CTNNA3: variants seen among roughly 807,000 people sequenced by gnomAD.
The protein encoded by CTNNA3 is catenin alpha 3.
In CTNNA3, 76 loss-of-function variants were observed where a neutral mutation model predicts 95.7. The ratio of observed to expected loss-of-function variants is 0.79; its 90% CI spans 0.66 to 0.96. The LOEUF (loss-of-function observed/expected upper bound fraction) is 0.96. CTNNA3 is among the 40% of genes least tolerant of loss of function. The pLI, the probability that CTNNA3 is intolerant of heterozygous loss-of-function variation, is 0.00. For synonymous variants in CTNNA3, 431 were observed against 374.4 expected (o/e 1.15, Z -1.74); for missense variants, 1,191 against 1,089.8 (o/e 1.09, Z -1.31).
intron 10 of CTNNA3, among the ~76,000 whole-genome samples, chr10:66,584,342 C>G (rs1373477417): frequency 6.6e-6 from 1 of 151,748 alleles, no homozygotes; most frequent in Non-Finnish European, 1.5e-5. Context: ...TAGGAATTGC[C>G]TTATGAATCT....
chr10:66,651,467 C>A (rs2132414011), intron 9 of CTNNA3, among the ~76,000 whole-genome samples: 1 of 152,114 alleles, frequency 6.6e-6, no homozygotes, highest in South Asian at 2.1e-4. Context: ...GTGCCGCACT[C>A]CTCAGCCCTT....
At position 67,210,294 on chromosome 10, in the gene CTNNA3, G is replaced by A. The variant is rs965651007; in HGVS notation, c.843+9313C>T. 5.9e-5 allele frequency among the ~76,000 whole-genome samples: 9 copies of A among 152,214 alleles called. No homozygotes were observed. In the East Asian group the frequency reaches 1.4e-3, roughly 23 times the overall value. On this transcript the variant is annotated intron_variant, in intron 6 of 17. Coordinates refer to ENST00000433211, the MANE Select transcript of CTNNA3 (RefSeq NM_013266.4). ...TGCACTCCAGGCCAGGTGACAGACT[G>A]AGACTCCATCTCAAAATAAAAATAA...
In CTNNA3 at chr10:66,376,131, A is replaced by T. The variant is rs545020192; in HGVS notation, c.1732+3021T>A. On this transcript the variant is annotated intron_variant, in intron 12 of 17. Transcript: ENST00000433211. ...TATAGCGTTCATAAATCACACAAAA[A>T]TGTCTTATGTCCGTCCACTTCCAGT... Among the ~76,000 whole-genome samples the T allele has an allele frequency of 8.5e-5, 13 of 152,272 alleles. No homozygotes were observed. In the East Asian group the frequency reaches 2.5e-3, roughly 29 times the overall value.
chr10:67,508,140 A>G lies in CTNNA3; in HGVS notation c.579+13702T>C, dbSNP rs1839487551. Among the ~76,000 whole-genome samples, 5 of 152,096 alleles carry G rather than the reference A, an allele frequency of 3.3e-5. No individual in the cohort carries two copies. In the South Asian group the frequency reaches 1.0e-3, roughly 32 times the overall value. On this transcript the variant is annotated intron_variant, in intron 5 of 17. Coordinates refer to ENST00000433211, the MANE Select transcript of CTNNA3 (RefSeq NM_013266.4). ...GCAGTTCTCCTTCCTCATACTCCCG[A>G]ATAGCTGGGATTACAGGCCCACACC...
At chr10:67,252,348 C>T (rs775446297) in intron 5 of CTNNA3, among the ~76,000 whole-genome samples, 44 of 152,194 alleles carry the variant, frequency 2.9e-4, no homozygotes, top group Middle Eastern at 3.4e-3. Flanking sequence ...AAAAGATATG[C>T]TCCAAGACCC....
chr10:66,079,958 T>C (rs1208867898), intron 14 of CTNNA3, among the ~76,000 whole-genome samples: 1 of 152,138 alleles, frequency 6.6e-6, no homozygotes, highest in Non-Finnish European at 1.5e-5. Context: ...TAAAATAGTT[T>C]ATATCAATTT....
intron 13 of CTNNA3, among the ~76,000 whole-genome samples, chr10:66,270,673 G>A (rs2091260782): frequency 6.6e-6 from 1 of 152,186 alleles, no homozygotes; most frequent in Non-Finnish European, 1.5e-5. Context: ...TAGCTGCGGT[G>A]GGAGATGCTA....
intron 9 of CTNNA3, among the ~76,000 whole-genome samples, chr10:66,648,318 G>A (rs535756787): frequency 7.4e-4 from 113 of 152,194 alleles, no homozygotes; most frequent in African/African-American, 2.4e-3. Flanking sequence ...ATCACTCTGC[G>A]GGAAATCACT....
At chr10:67,666,703 C>A (rs937849115) in intron 1 of CTNNA3, among the ~76,000 whole-genome samples, 1 of 152,158 alleles carries the variant, frequency 6.6e-6, no homozygotes, top group African/African-American at 2.4e-5. Flanking sequence ...CAGCTAGGAA[C>A]TGGGACACAT....
intron 3 of CTNNA3, among the ~76,000 whole-genome samples, chr10:67,562,657 G>A (rs573951844): frequency 0.02 from 3,098 of 151,854 alleles, 137 homozygotes; most frequent in African/African-American, 0.071. Flanking sequence ...GGCAGGAGAA[G>A]TAAATAAAGG....
chr10:66,519,284 A>C (rs533493317), intron 11 of CTNNA3, among the ~76,000 whole-genome samples: 1 of 152,272 alleles, frequency 6.6e-6, no homozygotes, highest in African/African-American at 2.4e-5. Context: ...TATTATTCTA[A>C]TTTGTGATGA....
chr10:66,154,869 G>C (rs1461374392), intron 13 of CTNNA3, among the ~76,000 whole-genome samples: 1 of 150,960 alleles, frequency 6.6e-6, no homozygotes, highest in Non-Finnish European at 1.5e-5. Flanking sequence ...TAACCAAACA[G>C]TTCTTTTAGA....
At chr10:66,002,603 G>A (rs1253939773) in intron 15 of CTNNA3, among the ~76,000 whole-genome samples, 1 of 152,114 alleles carries the variant, frequency 6.6e-6, no homozygotes, top group Non-Finnish European at 1.5e-5. Context: ...ATTGTGGGTG[G>A]TGGGCTATGT....
chr10:66,010,530 C>G (rs202119578), intron 15 of CTNNA3, among the ~76,000 whole-genome samples: 1 of 152,038 alleles, frequency 6.6e-6, no homozygotes. Flanking sequence ...TCAAACATAG[C>G]TATTATTTTA....
At chr10:66,204,225 G>T (rs991452233) in intron 13 of CTNNA3, among the ~76,000 whole-genome samples, 3 of 152,130 alleles carry the variant, frequency 2.0e-5, no homozygotes, top group African/African-American at 7.2e-5. Context: ...CCACATAGCA[G>T]TGAAGTGTTC....
chr10:66,116,205 A>G (rs1448999108), intron 13 of CTNNA3, among the ~76,000 whole-genome samples: 1 of 152,238 alleles, frequency 6.6e-6, no homozygotes, highest in Non-Finnish European at 1.5e-5. Flanking sequence ...AAACTAGCTC[A>G]TGGCAAATGC....
At chr10:66,876,063 G>C (rs1301667569) in intron 7 of CTNNA3, among the ~76,000 whole-genome samples, 1 of 152,110 alleles carries the variant, frequency 6.6e-6, no homozygotes, top group Non-Finnish European at 1.5e-5. Flanking sequence ...ATATTACTAA[G>C]CAGAATACAT....
intron 5 of CTNNA3, among the ~76,000 whole-genome samples, chr10:67,449,486 C>T (rs1277341175): frequency 1.3e-5 from 2 of 150,058 alleles, no homozygotes; most frequent in Non-Finnish European, 3.0e-5. Context: ...AAAGAGGCAC[C>T]TAGCCCAGAA....
intron 5 of CTNNA3, among the ~76,000 whole-genome samples, chr10:67,288,667 TCCAAG>T (rs1279750480): frequency 6.6e-6 from 1 of 152,102 alleles, no homozygotes; most frequent in African/African-American, 2.4e-5. Context: ...AATCAAAAGA[TCCAAG>T]CACTAACACT....
Sources: gnomAD v4.1 joint callset for allele counts (sites outside exome capture counted in the v4.1 genomes callset) on GRCh38, gnomAD v4.1.1 for gene constraint, MANE v1.5 for transcripts, NCBI Gene and HGNC (gene_info 2026-07-23, HGNC 2026-07-21) for gene names.